Variants in NAT10 observed in about 807,000 individuals in gnomAD.
The protein encoded by NAT10 is RNA cytidine acetyltransferase.
Under a neutral mutation model 132.2 loss-of-function variants are expected in NAT10, and 109 were observed. That is an observed-to-expected ratio of 0.82 (90% CI 0.71 to 0.97). The LOEUF (loss-of-function observed/expected upper bound fraction) is 0.97. Among genes scored for constraint, NAT10 ranks in the 50% least tolerant of loss-of-function variants. NAT10 has a pLI of 0.00. For synonymous variants in NAT10, 479 were observed against 478.0 expected, an observed-to-expected ratio of 1.00 and a Z score of -0.03; for missense variants, 1,184 against 1,263.4, an observed-to-expected ratio of 0.94 and a Z score of 0.95.
chr11:34,139,904 TAAAAAAC>T (rs1852289284), intron 23 of NAT10, among the ~76,000 whole-genome samples: 2 of 152,134 alleles, frequency 1.3e-5, no homozygotes, highest in South Asian at 2.1e-4. Context: ...TTTGAATACT[TAAAAAAC>T]AAAAAATGTG....
At chr11:34,112,330 A>G (rs1851710412) in intron 4 of NAT10, 107 bp downstream of exon 4, 4 of 1,300,868 alleles carry the variant, frequency 3.1e-6, no homozygotes, top group Admixed American at 2.1e-5. Context: ...GGAGAGTCCC[A>G]TGTTCCCTAT....
chr11:34,118,804 G>A (rs945437945), intron 8 of NAT10, among the ~76,000 whole-genome samples: 3 of 152,090 alleles, frequency 2.0e-5, no homozygotes, highest in African/African-American at 7.2e-5. Flanking sequence ...GAGTGCAGTG[G>A]CATGATCACG....
chr11:34,141,233 C>T, intron 25 of NAT10, 25 bp downstream of exon 25: 1 of 1,613,386 alleles, frequency 6.2e-7, no homozygotes, highest in Non-Finnish European at 8.5e-7. Flanking sequence ...AGGGCAGGGG[C>T]TTGATGTCTC....
In NAT10 at chr11:34,133,047, A is replaced by T; in HGVS notation, c.1639A>T (p.Met547Leu). Residue 547 changes from methionine (M) to leucine (L), a missense_variant, in exon 16 of 29, where the codon ATG becomes TTG. Met to Leu is a conservative substitution (Grantham distance 15). Coordinates refer to ENST00000257829, the MANE Select transcript of NAT10 (RefSeq NM_024662.3). ...HYKNSPNDLQ[M>L]LSDAPAHHLF... ...ACAGAACTCTCCCAATGATCTCCAG[A>T]TGCTCTCCGATGCACCTGCTCACCA... The T allele has an allele frequency of 6.2e-7, 1 of 1,613,984 alleles. No homozygotes were observed. Among genetic ancestry groups the T allele is most frequent in the South Asian group, 1.1e-5 (1 of 91,072 alleles).
In NAT10 at chr11:34,134,495, TTG is replaced by T. The variant is rs1363239392; in HGVS notation, c.1837-13_1837-12del. 1 of 1,614,014 alleles carries T rather than the reference TTG, an allele frequency of 6.2e-7. No individual in the cohort carries two copies. On this transcript the variant is annotated splice_polypyrimidine_tract_variant and intron_variant, in intron 17 of 28. Coordinates refer to ENST00000257829, the MANE Select transcript of NAT10 (RefSeq NM_024662.3). The stretch of plus-strand genomic sequence containing the variant: ...ATGTCTGTGTTGCTAAGTTACTGGT[TTG>T]TGTCTCCCACACAGTTCCAAGATCC...
rs1215565599 is a variant in NAT10, at chr11:34,137,003, C to A, written c.2188C>A (p.Pro730Thr). ...GTTCTGGAAACGAGCTGGATTTGTT[C>A]CTGTTTATCTGAGACAGACCCCGGT... ...LKFWKRAGFV[P>T]VYLRQTPNDL... Residue 730 changes from proline to threonine, a missense_variant, in exon 21 of 29, where the codon CCT (proline) becomes ACT (threonine). By Grantham distance (38) the Pro-to-Thr change is conservative. Transcript: ENST00000257829. 3.1e-6 allele frequency: 5 copies of A among 1,614,042 alleles called. No individual in the cohort carries two copies. The highest frequency in any genetic ancestry group is 4.2e-6 in the Non-Finnish European group (5 of 1,180,042).
At chr11:34,113,660 A>G in intron 4 of NAT10, 56 bp from the exon 5 acceptor site, 6 of 1,329,590 alleles carry the variant, frequency 4.5e-6, no homozygotes, top group African/African-American at 1.7e-5. Flanking sequence ...AAAAAAAAAA[A>G]GTCCTTTGGG....
intron 8 of NAT10, among the ~76,000 whole-genome samples, chr11:34,121,635 G>C (rs1197225231): frequency 6.6e-6 from 1 of 152,042 alleles, no homozygotes; most frequent in African/African-American, 2.4e-5. Context: ...GCTGAGGTGA[G>C]CGGATCACGA....
chr11:34,115,646 G>A (rs948612196), intron 5 of NAT10, among the ~76,000 whole-genome samples, 177 bp from the exon 6 acceptor site: 5 of 152,224 alleles, frequency 3.3e-5, no homozygotes, highest in Non-Finnish European at 5.9e-5. Flanking sequence ...AAGCAACGTT[G>A]CATTCAGTGT....
rs746510961 is a variant in NAT10, at chr11:34,134,525, A to G, written c.1850A>G (p.Asp617Gly). ...TCTCCCACACAGTTCCAAGATCCAG[A>G]CTTTGGTGGTCTGTCTGGTGGAAGG... is the stretch of plus-strand genomic sequence containing the variant. ...WTVSEQFQDP[D>G]FGGLSGGRVV... Residue 617 changes from aspartate (D) to glycine (G), a missense_variant, in exon 18 of 29, where the codon GAC becomes GGC. By Grantham distance (94) the Asp-to-Gly change is moderately conservative. Transcript: ENST00000257829. The G allele has an allele frequency of 2.5e-6, 4 of 1,614,000 alleles. No individual in the cohort carries two copies. The highest frequency in any genetic ancestry group is 3.3e-5 in the Admixed American group (2 of 59,994).
At chr11:34,125,062 C>T (rs1281457370) in intron 11 of NAT10, among the ~76,000 whole-genome samples, 1 of 152,200 alleles carries the variant, frequency 6.6e-6, no homozygotes, top group African/African-American at 2.4e-5. Flanking sequence ...GCAGTTTATA[C>T]CCTAGCACTT....
chr11:34,143,456 G>C lies in NAT10; in HGVS notation c.2897G>C (p.Arg966Pro), dbSNP rs757873953. 2 of 1,613,596 alleles carry C rather than the reference G, an allele frequency of 1.2e-6. No individual in the cohort carries two copies. Among genetic ancestry groups the C allele is most frequent in the Admixed American group, 1.7e-5 (1 of 59,994 alleles). The change falls in exon 28 of 29, where the codon CGT becomes CCT. Residue 966 changes from arginine (R) to proline (P), a missense_variant. Arg to Pro is a moderately radical substitution (Grantham distance 103, BLOSUM62 -2). Coordinates refer to ENST00000257829, the MANE Select transcript of NAT10 (RefSeq NM_024662.3). ...CTTCTTTTTTTTAGATACATAATCC[G>C]TGGGGACGATGAAGAGTGGAATGAA... Reference protein sequence around the residue: ...KSMDLSEYIIRGDDEEWNEVL... With the variant: ...KSMDLSEYIIPGDDEEWNEVL...
chr11:34,143,526 A>G lies in NAT10; in HGVS notation c.2967A>G (p.Lys989=). The G allele has an allele frequency of 6.2e-7, 1 of 1,613,838 alleles. No homozygotes were observed. The highest frequency in any genetic ancestry group is 2.2e-5 in the East Asian group (1 of 44,878). Reference sequence around the variant, plus strand: ...CGAACGCCTCGATCATCAGCCTGAAAAGGTGAGGGCCCAGGGTCTGATGTG... The same window carrying G: ...CGAACGCCTCGATCATCAGCCTGAAGAGGTGAGGGCCCAGGGTCTGATGTG... ...AGPNASIISL[K]SDKKRKLEAK... The change falls in exon 28 of 29, where the codon AAA becomes AAG. Residue 989 remains lysine, a splice_region_variant and synonymous_variant. Transcript: ENST00000257829.
intron 5 of NAT10, among the ~76,000 whole-genome samples, 198 bp downstream of exon 5, chr11:34,114,036 C>G (rs1046036779): frequency 6.6e-6 from 1 of 152,218 alleles, no homozygotes; most frequent in Non-Finnish European, 1.5e-5. Flanking sequence ...GCCTAGGAAT[C>G]TCTGAATTTC....
intron 21 of NAT10, among the ~76,000 whole-genome samples, chr11:34,138,314 A>G (rs377482393): frequency 2.0e-5 from 3 of 152,110 alleles, no homozygotes; most frequent in African/African-American, 4.8e-5. Flanking sequence ...GGATGAAGAC[A>G]TTGTCTTCTG....
chr11:34,130,980 C>T (rs767543978), intron 13 of NAT10, 43 bp downstream of exon 13: 13 of 1,607,220 alleles, frequency 8.1e-6, no homozygotes, highest in Non-Finnish European at 8.5e-6. Flanking sequence ...CACAGCAAGG[C>T]CCTTCAGTCT....
intron 21 of NAT10, among the ~76,000 whole-genome samples, chr11:34,138,591 G>T (rs1852262057): frequency 6.6e-6 from 1 of 152,170 alleles, no homozygotes; most frequent in Admixed American, 6.5e-5. Flanking sequence ...ACGCAAGCTA[G>T]TGAGCTGTGG....
chr11:34,132,268 A>G (rs1349084901), intron 15 of NAT10, 47 bp downstream of exon 15: 2 of 1,443,650 alleles, frequency 1.4e-6, no homozygotes, highest in South Asian at 2.3e-5. Context: ...GAGCTTCAGC[A>G]TTTGGCAGTC....
chr11:34,131,674 T>A, intron 14 of NAT10, 143 bp downstream of exon 14: 60 of 420,728 alleles, frequency 1.4e-4, no homozygotes, highest in Non-Finnish European at 1.9e-4. Flanking sequence ...TTTCTCTTCC[T>A]TTTTTTTTTT....
Sources: allele counts gnomAD v4.1 joint callset (sites outside exome capture counted in the v4.1 genomes callset), GRCh38; gene constraint gnomAD v4.1.1; transcripts MANE v1.5; gene names NCBI Gene and HGNC (gene_info 2026-07-23, HGNC 2026-07-21).